Variants in GLIS1 observed in about 807,000 individuals in gnomAD.
GLIS1 encodes the protein zinc finger protein GLIS1.
Under a neutral mutation model 63.8 loss-of-function variants are expected in GLIS1, and 24 were observed. The observed-to-expected ratio is 0.38, with a 90% CI of 0.27 to 0.53. GLIS1 has a LOEUF of 0.53. GLIS1 is among the 20% of genes least tolerant of loss of function. GLIS1 has a pLI of 0.85. For missense variants in GLIS1, 1,036 were observed against 1,074.1 expected (o/e 0.96, Z 0.50); for synonymous variants, 450 against 482.5 (o/e 0.93, Z 0.88).
intron 4 of GLIS1, among the ~76,000 whole-genome samples, chr1:53,577,256 T>C (rs116502369): frequency 0.011 from 1,727 of 152,130 alleles, 31 homozygotes; most frequent in African/African-American, 0.04. Flanking sequence ...CTATTCAGCA[T>C]GCCCCAGATC....
At chr1:53,679,377 C>T (rs564596687) in intron 2 of GLIS1, among the ~76,000 whole-genome samples, 33 of 152,306 alleles carry the variant, frequency 2.2e-4, no homozygotes, top group African/African-American at 5.1e-4. Context: ...TGAGACAATC[C>T]GAGTTGGGTT....
At chr1:53,589,612 A>G (rs1645168892) in intron 4 of GLIS1, among the ~76,000 whole-genome samples, 1 of 152,180 alleles carries the variant, frequency 6.6e-6, no homozygotes. Flanking sequence ...CTGGCCCTAG[A>G]TTCAGAGGCA....
At chr1:53,554,948 G>A (rs144049338) in intron 4 of GLIS1, among the ~76,000 whole-genome samples, 13 of 152,298 alleles carry the variant, frequency 8.5e-5, no homozygotes, top group African/African-American at 3.1e-4. Flanking sequence ...TCACAGGTAG[G>A]GCAGGGCACT....
chr1:53,638,345 G>C (rs1194893850), intron 2 of GLIS1, among the ~76,000 whole-genome samples: 1 of 152,184 alleles, frequency 6.6e-6, no homozygotes, highest in African/African-American at 2.4e-5. Flanking sequence ...CACGGGTGTT[G>C]CCTGCAGGAA....
intron 4 of GLIS1, among the ~76,000 whole-genome samples, chr1:53,537,727 ATC>A (rs1384713713): frequency 1.3e-5 from 2 of 152,198 alleles, no homozygotes. Context: ...CTAACTAAGA[ATC>A]TGGACACAGA....
In GLIS1 at chr1:53,715,503, C is replaced by T. The variant is rs545847997; in HGVS notation, c.259+22303G>A. Among the ~76,000 whole-genome samples the T allele has an allele frequency of 9.2e-5, 14 of 152,314 alleles. 1 individual carries two copies. In the South Asian group the frequency reaches 1.7e-3, roughly 18 times the overall value. On this transcript the variant is annotated intron_variant, in intron 2 of 10. Coordinates refer to ENST00000628545, the MANE Select transcript of GLIS1 (RefSeq NM_001367484.1). ...CGGACAGAGGGCTTTCAAAGTGACG[C>T]TGTCGAATGACTGACATCTTAAATT...
chr1:53,667,283 C>T (rs1352484656), intron 2 of GLIS1, among the ~76,000 whole-genome samples: 1 of 152,256 alleles, frequency 6.6e-6, no homozygotes, highest in Non-Finnish European at 1.5e-5. Flanking sequence ...TCAATATGAG[C>T]TCCATGAGGG....
chr1:53,513,352 C>T lies in GLIS1; in HGVS notation c.1883+1273G>A, dbSNP rs145476256. Among the ~76,000 whole-genome samples, 953 of 152,290 alleles carry T rather than the reference C, an allele frequency of 6.3e-3. 11 individuals carry two copies. Among genetic ancestry groups the T allele is most frequent in the Middle Eastern group, 0.014 (4 of 294 alleles). On this transcript the variant is annotated intron_variant, in intron 8 of 10. Coordinates refer to ENST00000628545, the MANE Select transcript of GLIS1 (RefSeq NM_001367484.1). ...CTCATCCCCAAACCTGACCACATCA[C>T]TGCTCAACACTCTTCAGGTCGAGTC...
At chr1:53,591,506 C>G (rs1259893362) in intron 4 of GLIS1, among the ~76,000 whole-genome samples, 2 of 152,234 alleles carry the variant, frequency 1.3e-5, no homozygotes, top group Non-Finnish European at 2.9e-5. Flanking sequence ...CTGTGTAACC[C>G]TTAGCAAGTT....
At chr1:53,732,092 A>G (rs144151178) in intron 2 of GLIS1, among the ~76,000 whole-genome samples, 162 of 152,384 alleles carry the variant, frequency 1.1e-3, no homozygotes, top group Non-Finnish European at 1.7e-3. Flanking sequence ...GAAATGCGTT[A>G]TTCAGTTAAC....
At chr1:53,524,116 C>T (rs1173204445) in intron 6 of GLIS1, among the ~76,000 whole-genome samples, 2 of 152,272 alleles carry the variant, frequency 1.3e-5, no homozygotes. Flanking sequence ...CTCCTGACCG[C>T]AGCTGTCTAA....
At position 53,511,487 on chromosome 1, in the gene GLIS1, C is replaced by A. The variant is rs1049737723; in HGVS notation, c.1884-1460G>T. On this transcript the variant is annotated intron_variant, in intron 8 of 10. Transcript: ENST00000628545. This position sits in a 1 kb window ranked among gnomAD's most constrained non-coding sequence, Gnocchi z 4.2. ...CTCCAGTCTGCTGTCATCATCCACA[C>A]GTGTGGGGCCCCCGTCACTGTGAGC... 6.6e-6 allele frequency among the ~76,000 whole-genome samples: 1 copy of A among 152,194 alleles called. No homozygotes were observed. Among genetic ancestry groups the A allele is most frequent in the Non-Finnish European group, 1.5e-5 (1 of 68,040 alleles).
intron 4 of GLIS1, among the ~76,000 whole-genome samples, chr1:53,551,480 CCCTT>C (rs1044831725): frequency 1.3e-5 from 2 of 152,132 alleles, no homozygotes; most frequent in African/African-American, 4.8e-5. Context: ...TCAGACCACT[CCCTT>C]CCTCTCACCA....
intron 2 of GLIS1, among the ~76,000 whole-genome samples, chr1:53,638,814 G>C (rs1645755227): frequency 6.6e-6 from 1 of 152,180 alleles, no homozygotes; most frequent in African/African-American, 2.4e-5. Flanking sequence ...GGCCGGGGGA[G>C]CACATGACGA....
chr1:53,556,567 G>GCAT (rs1557448877), intron 4 of GLIS1, among the ~76,000 whole-genome samples: 1 of 89,662 alleles, frequency 1.1e-5, no homozygotes. Flanking sequence ...GTACTGCAGG[G>GCAT]GTGTGTGTAT....
chr1:53,508,617 GC>G (rs1644262387), intron 10 of GLIS1, among the ~76,000 whole-genome samples: 1 of 152,156 alleles, frequency 6.6e-6, no homozygotes, highest in South Asian at 2.1e-4. Context: ...GGCTTCTCTA[GC>G]CAAGCCTGGG....
chr1:53,673,302 G>A (rs1382995712), intron 2 of GLIS1, among the ~76,000 whole-genome samples: 2 of 152,228 alleles, frequency 1.3e-5, no homozygotes, highest in Non-Finnish European at 2.9e-5. Context: ...GATTACCACT[G>A]GGGCGACTTG....
chr1:53,729,915 A>G (rs1302283164), intron 2 of GLIS1, among the ~76,000 whole-genome samples: 1 of 152,260 alleles, frequency 6.6e-6, no homozygotes, highest in Non-Finnish European at 1.5e-5. Context: ...CTCAAATAAG[A>G]TAAAATGCAA....
intron 2 of GLIS1, among the ~76,000 whole-genome samples, chr1:53,695,459 G>C (rs768060736): frequency 1.1e-4 from 16 of 152,226 alleles, no homozygotes; most frequent in African/African-American, 3.4e-4. Context: ...CTACGGCAGC[G>C]ACTTGTCTGT....
Sources: gnomAD v4.1 joint callset for allele counts (sites outside exome capture counted in the v4.1 genomes callset) on GRCh38, gnomAD v4.1.1 for gene constraint, Gnocchi (gnomAD v3.1) non-coding constraint, MANE v1.5 for transcripts, NCBI Gene and HGNC (gene_info 2026-07-23, HGNC 2026-07-21) for gene names.